Variants in HIVEP1 observed in about 807,000 individuals in gnomAD.
The protein encoded by HIVEP1 is zinc finger protein 40.
HIVEP1 carries 36 observed loss-of-function variants against 180.0 expected under a neutral mutation model. That is an observed-to-expected ratio of 0.20 (90% CI 0.15 to 0.26). The LOEUF is 0.26. HIVEP1 is among the 10% of genes least tolerant of loss of function. The pLI, the probability that HIVEP1 is intolerant of heterozygous loss-of-function variation, is 1.00. For synonymous variants in HIVEP1, 1,239 were observed against 1,239.0 expected, an observed-to-expected ratio of 1.00 and a Z score of 0.00; for missense variants, 3,143 against 3,268.7, an observed-to-expected ratio of 0.96 and a Z score of 0.94.
chr6:12,134,516 C>T (rs1411082716), intron 6 of HIVEP1, among the ~76,000 whole-genome samples: 3 of 152,190 alleles, frequency 2.0e-5, no homozygotes, highest in South Asian at 4.1e-4. Flanking sequence ...CCATGTGCTT[C>T]GGCTACTGCA....
chr6:12,011,790 G>A (rs939428378), upstream of HIVEP1, among the ~76,000 whole-genome samples: 4 of 148,006 alleles, frequency 2.7e-5, no homozygotes, highest in African/African-American at 7.4e-5. Flanking sequence ...TGGCGGCCGC[G>A]CCGGCCCAGC....
At chr6:12,116,445 A>G (rs1775219582) in intron 3 of HIVEP1, among the ~76,000 whole-genome samples, 2 of 151,356 alleles carry the variant, frequency 1.3e-5, no homozygotes, top group African/African-American at 4.9e-5. Flanking sequence ...TTTCACTTCC[A>G]CCTCTAAAAT....
the HIVEP1 span, among the ~76,000 whole-genome samples, chr6:12,173,719 GAGACA>G: frequency 6.6e-6 from 1 of 152,166 alleles, no homozygotes. Flanking sequence ...GAATTTGCTT[GAGACA>G]AGACATCTTT....
chr6:12,076,780 G>A (rs13215677), intron 2 of HIVEP1, among the ~76,000 whole-genome samples: 23,467 of 152,058 alleles, frequency 0.15, 2,395 homozygotes, highest in Non-Finnish European at 0.23. Context: ...CAAAAACATC[G>A]AGACCACAGC....
intron 3 of HIVEP1, among the ~76,000 whole-genome samples, chr6:12,099,940 G>A (rs975149541): frequency 3.3e-5 from 5 of 152,114 alleles, no homozygotes; most frequent in East Asian, 1.9e-4. Context: ...TGTGTATGTC[G>A]TCACAAAAAT....
chr6:12,208,573 C>T, the HIVEP1 span, among the ~76,000 whole-genome samples: 1 of 152,184 alleles, frequency 6.6e-6, no homozygotes, highest in East Asian at 1.9e-4. Context: ...GTCCCAAACC[C>T]TAGTACTTCA....
chr6:12,029,984 C>G (rs1243550207), intron 2 of HIVEP1, among the ~76,000 whole-genome samples: 3 of 152,168 alleles, frequency 2.0e-5, no homozygotes, highest in Non-Finnish European at 4.4e-5. Context: ...GTCAGGTCTT[C>G]TAGCAGCAAC....
At chr6:12,128,448 C>T (rs1681261357) in intron 4 of HIVEP1, among the ~76,000 whole-genome samples, 1 of 152,194 alleles carries the variant, frequency 6.6e-6, no homozygotes, top group Non-Finnish European at 1.5e-5. Context: ...AGCACCACAG[C>T]TGTCTGCTTG....
chr6:12,132,413 G>A (rs1324036891), intron 6 of HIVEP1, among the ~76,000 whole-genome samples: 1 of 152,048 alleles, frequency 6.6e-6, no homozygotes, highest in Non-Finnish European at 1.5e-5. Context: ...TGGGAAATGG[G>A]TATTTCTCAA....
chr6:12,085,349 G>A (rs952082866), intron 2 of HIVEP1, among the ~76,000 whole-genome samples: 1 of 152,038 alleles, frequency 6.6e-6, no homozygotes, highest in African/African-American at 2.4e-5. Flanking sequence ...CAGGGGTTAA[G>A]TCCTAGGGTC....
chr6:12,059,085 G>A (rs6933280), intron 2 of HIVEP1, among the ~76,000 whole-genome samples: 10,904 of 151,996 alleles, frequency 0.072, 427 homozygotes, highest in Admixed American at 0.13. Context: ...CCAAATAGCT[G>A]AACATTATAT....
intron 3 of HIVEP1, among the ~76,000 whole-genome samples, chr6:12,103,089 C>T (rs188131625): frequency 3.3e-5 from 5 of 151,750 alleles, no homozygotes; most frequent in African/African-American, 1.2e-4. Context: ...GTGTTAATCC[C>T]GGCCCTGTAG....
intron 7 of HIVEP1, among the ~76,000 whole-genome samples, chr6:12,138,205 T>C (rs535367759): frequency 1.2e-4 from 19 of 152,350 alleles, no homozygotes; most frequent in African/African-American, 4.3e-4. Flanking sequence ...TACCTAGATA[T>C]TTGCTTTATA....
At chr6:12,066,717 A>G (rs948184321) in intron 2 of HIVEP1, among the ~76,000 whole-genome samples, 1 of 152,198 alleles carries the variant, frequency 6.6e-6, no homozygotes, top group Admixed American at 6.5e-5. Context: ...ATAAATAAAT[A>G]TTTGTTCGGA....
chr6:12,072,697 T>TC (rs1048775968), intron 2 of HIVEP1, among the ~76,000 whole-genome samples: 2 of 152,260 alleles, frequency 1.3e-5, no homozygotes, highest in African/African-American at 4.8e-5. Flanking sequence ...TGACTTGTCT[T>TC]CAAGTTCGTG....
downstream of HIVEP1, among the ~76,000 whole-genome samples, chr6:12,169,358 T>A (rs1434100662): frequency 6.6e-6 from 1 of 152,180 alleles, no homozygotes; most frequent in Non-Finnish European, 1.5e-5. Context: ...TTATAAAGGT[T>A]CTCTGGAAGG....
At chr6:12,068,672 A>G (rs1771764258) in intron 2 of HIVEP1, among the ~76,000 whole-genome samples, 1 of 152,188 alleles carries the variant, frequency 6.6e-6, no homozygotes, top group Non-Finnish European at 1.5e-5. Flanking sequence ...CATATATGTA[A>G]TATGTGTATT....
At chr6:12,107,499 T>C (rs1039342593) in intron 3 of HIVEP1, among the ~76,000 whole-genome samples, 2 of 152,210 alleles carry the variant, frequency 1.3e-5, no homozygotes, top group South Asian at 2.1e-4. Context: ...TTGGTCTCAC[T>C]GACTTCAAGA....
chr6:12,016,121 C>T (rs1767727942), intron 2 of HIVEP1, among the ~76,000 whole-genome samples: 1 of 152,122 alleles, frequency 6.6e-6, no homozygotes, highest in Non-Finnish European at 1.5e-5. Context: ...GAATTGTAGG[C>T]ATTCACTCAG....
Sources: gnomAD v4.1 joint callset for allele counts (sites outside exome capture counted in the v4.1 genomes callset) on GRCh38, gnomAD v4.1.1 for gene constraint, MANE v1.5 for transcripts, NCBI Gene and HGNC (gene_info 2026-07-23, HGNC 2026-07-21) for gene names.